PTCHD4: variants seen among roughly 807,000 people sequenced by gnomAD.
PTCHD4 encodes patched domain containing 4, also known as patched domain-containing protein 4.
Under a neutral mutation model 58.1 loss-of-function variants are expected in PTCHD4, and 33 were observed. That is an observed-to-expected ratio of 0.57 (90% CI 0.43 to 0.76). PTCHD4 has a LOEUF of 0.76. Ranked by LOEUF, PTCHD4 falls within the 30% of genes least tolerant of loss-of-function variation. The pLI is 0.00. For synonymous variants in PTCHD4, 478 were observed against 409.6 expected (o/e 1.17, Z -2.02); for missense variants, 1,058 against 1,027.1 (o/e 1.03, Z -0.41).
At chr6:48,107,853 T>C (rs113138833) in intron 1 of PTCHD4, among the ~76,000 whole-genome samples, 115 of 152,220 alleles carry the variant, frequency 7.6e-4, no homozygotes, top group African/African-American at 2.5e-3. Context: ...TGAAAAAATG[T>C]TCATCATCAC....
intron 3 of PTCHD4, among the ~76,000 whole-genome samples, chr6:48,052,985 G>A (rs977950884): frequency 1.8e-4 from 28 of 152,178 alleles, no homozygotes; most frequent in African/African-American, 6.7e-4. Flanking sequence ...TTATGGCTTC[G>A]ATGTAGCTGG....
intron 4 of PTCHD4, among the ~76,000 whole-genome samples, chr6:47,930,908 C>T (rs564751794): frequency 6.6e-6 from 1 of 152,308 alleles, no homozygotes; most frequent in East Asian, 1.9e-4. Flanking sequence ...ATTCTCCTGC[C>T]TCAGCCTCCC....
chr6:48,039,526 G>A (rs913707653), intron 3 of PTCHD4, among the ~76,000 whole-genome samples: 18 of 152,086 alleles, frequency 1.2e-4, no homozygotes, highest in Admixed American at 5.9e-4. Context: ...TTTAACCTTG[G>A]TGGTGTTTAC....
At chr6:47,990,682 T>A (rs1283500940) in intron 4 of PTCHD4, among the ~76,000 whole-genome samples, 1 of 152,190 alleles carries the variant, frequency 6.6e-6, no homozygotes, top group Non-Finnish European at 1.5e-5. Context: ...CTCTTTTTCT[T>A]CCCAGTCTCA....
intron 3 of PTCHD4, among the ~76,000 whole-genome samples, chr6:48,032,407 CCTCT>C (rs1383959175): frequency 6.6e-6 from 1 of 151,768 alleles, no homozygotes; most frequent in African/African-American, 2.4e-5. Flanking sequence ...TCTCTCTCTC[CCTCT>C]CTCTGTGTAT....
intron 3 of PTCHD4, among the ~76,000 whole-genome samples, chr6:48,012,755 C>T (rs1407510635): frequency 6.6e-6 from 1 of 152,050 alleles, no homozygotes; most frequent in Non-Finnish European, 1.5e-5. Flanking sequence ...TCCATCAGTA[C>T]CTAGTTTTCA....
intron 4 of PTCHD4, among the ~76,000 whole-genome samples, chr6:47,895,570 TATTA>T (rs371773207): frequency 1.5e-3 from 223 of 152,340 alleles, no homozygotes; most frequent in African/African-American, 4.9e-3. Flanking sequence ...AATCAGCAGA[TATTA>T]ATTAAACACC....
chr6:47,975,255 C>G (rs1441370717), intron 4 of PTCHD4, among the ~76,000 whole-genome samples: 4 of 152,166 alleles, frequency 2.6e-5, no homozygotes, highest in African/African-American at 9.6e-5. Flanking sequence ...AAATGAATGA[C>G]TAATCCACTT....
Position 48,068,124 on chromosome 6 carries a change from T to G in PTCHD4, c.417+106A>C. The G allele has an allele frequency of 2.9e-5, 37 of 1,259,746 alleles. No individual in the cohort carries two copies. The highest frequency in any genetic ancestry group is 4.9e-5 in the South Asian group (3 of 61,410). 78.0% of individuals were successfully genotyped at this position (1,259,746 alleles called of 1,614,324 possible). ...GTCTTATTGGAGACGGCAGCCTGCC[T>G]GAGATCCTCTAGCACTGAAATAATA... On this transcript the variant is annotated intron_variant, in intron 3 of 4. Coordinates refer to ENST00000339488, the MANE Select transcript of PTCHD4 (RefSeq NM_001384253.1). The surrounding 1 kb of genome is among the most constrained non-coding windows in gnomAD (Gnocchi z 4.2).
At chr6:47,918,497 G>A (rs780377130) in intron 4 of PTCHD4, among the ~76,000 whole-genome samples, 4 of 151,684 alleles carry the variant, frequency 2.6e-5, no homozygotes, top group Non-Finnish European at 4.4e-5. Context: ...TGCCATTTTC[G>A]TTAAGGTATT....
rs1561931131 is a variant in PTCHD4 at position 47,873,197 on chromosome 6, G to A, written c.*5106C>T. On this transcript the variant is annotated 3_prime_UTR_variant, in exon 5 of 5. Transcript: ENST00000339488. ...TGAGAACCCAGTCTTCAAGTGCAAT[G>A]TATTTGCCTATGATCAAGTTTGCTA... is the stretch of plus-strand genomic sequence containing the variant. 6.6e-6 allele frequency among the ~76,000 whole-genome samples: 1 copy of A among 151,718 alleles called. No individual in the cohort carries two copies. Among genetic ancestry groups the A allele is most frequent in the African/African-American group, 2.4e-5 (1 of 41,380 alleles).
intron 1 of PTCHD4, among the ~76,000 whole-genome samples, chr6:48,085,310 T>C (rs1765241940): frequency 6.6e-6 from 1 of 152,234 alleles, no homozygotes; most frequent in Admixed American, 6.5e-5. Flanking sequence ...TCACTATCAG[T>C]TATAACACAT....
rs936948185 is a variant in PTCHD4, at chr6:48,068,480, C to G, written c.167G>C (p.Ser56Thr). The change falls in exon 3 of 5, where the codon AGC becomes ACC. Residue 56 changes from serine to threonine, a missense_variant. Coordinates refer to ENST00000339488, the MANE Select transcript of PTCHD4 (RefSeq NM_001384253.1). The surrounding 1 kb of genome is among the most constrained non-coding windows in gnomAD (Gnocchi z 4.2). ...CTCGGGCTGGAAGCGGTTGAGCGCGCTGAGGCCGAAGGTGATTGTCAGGAC... is the reference window on the plus strand; with the variant it reads ...CTCGGGCTGGAAGCGGTTGAGCGCGGTGAGGCCGAAGGTGATTGTCAGGAC... ...PAVLTITFGLSALNRFQPEGD... is the reference protein window; with the variant it reads ...PAVLTITFGLTALNRFQPEGD... 6.2e-7 allele frequency: 1 copy of G among 1,613,420 alleles called. No individual in the cohort carries two copies. Among genetic ancestry groups the G allele is most frequent in the Admixed American group, 1.7e-5 (1 of 59,986 alleles).
At chr6:48,006,623 T>A (rs1762448573) in intron 4 of PTCHD4, among the ~76,000 whole-genome samples, 1 of 152,202 alleles carries the variant, frequency 6.6e-6, no homozygotes, top group African/African-American at 2.4e-5. Context: ...CTCATCTTTG[T>A]CATTGGTGAC....
intron 4 of PTCHD4, among the ~76,000 whole-genome samples, chr6:47,913,536 A>T (rs1487031463): frequency 1.3e-5 from 2 of 152,132 alleles, no homozygotes; most frequent in South Asian, 4.1e-4. Context: ...TTCAGGGCAA[A>T]CTAGTGCTTA....
At position 47,867,239 on chromosome 6, in the gene PTCHD4, C is replaced by T. The variant is rs990372701; in HGVS notation, c.*11064G>A. Among the ~76,000 whole-genome samples, 11 of 151,750 alleles carry T rather than the reference C, an allele frequency of 7.2e-5. No individual in the cohort carries two copies. The highest frequency in any genetic ancestry group is 2.1e-4 in the South Asian group (1 of 4,824). ...TCCATGTCAGTCTCTTACTCTCACA[C>T]TTTGAGGGCTTTTGTGCCAGAACGT... is the stretch of plus-strand genomic sequence containing the variant. On this transcript the variant is annotated 3_prime_UTR_variant, in exon 5 of 5. Coordinates refer to ENST00000339488, the MANE Select transcript of PTCHD4 (RefSeq NM_001384253.1).
At chr6:47,940,719 A>G (rs1336230322) in intron 4 of PTCHD4, among the ~76,000 whole-genome samples, 5 of 152,210 alleles carry the variant, frequency 3.3e-5, no homozygotes, top group Non-Finnish European at 7.4e-5. Context: ...AAAGTCACCC[A>G]GAGTATAAGA....
intron 4 of PTCHD4, among the ~76,000 whole-genome samples, chr6:47,982,474 T>C (rs1053305178): frequency 2.5e-5 from 3 of 121,734 alleles, no homozygotes; most frequent in African/African-American, 9.8e-5. Context: ...GTCTGTTTTA[T>C]CTCTCTCTTT....
intron 1 of PTCHD4, among the ~76,000 whole-genome samples, chr6:48,078,742 G>A (rs540521574): frequency 1.3e-5 from 2 of 151,400 alleles, no homozygotes; most frequent in African/African-American, 4.9e-5. Flanking sequence ...TTTTTAACAA[G>A]GCCTTCTTCA....
Sources: gnomAD v4.1 joint callset for allele counts (sites outside exome capture counted in the v4.1 genomes callset) on GRCh38, gnomAD v4.1.1 for gene constraint, Gnocchi (gnomAD v3.1) non-coding constraint, MANE v1.5 for transcripts, NCBI Gene and HGNC (gene_info 2026-07-23, HGNC 2026-07-21) for gene names.